The following GRIK3 variants were observed in gnomAD, a reference collection of about 807,000 sequenced individuals.
GRIK3 encodes the protein glutamate receptor ionotropic, kainate 3.
In GRIK3, 29 loss-of-function variants were observed where a neutral mutation model predicts 102.5. The observed-to-expected ratio is 0.28, with a 90% confidence interval of 0.21 to 0.39. GRIK3 has a LOEUF of 0.39. Ranked by LOEUF, GRIK3 falls within the 10% of genes least tolerant of loss-of-function variation. GRIK3 has a pLI of 1.00. For missense variants in GRIK3, 908 were observed against 1,252.4 expected (o/e 0.73, Z 4.15); for synonymous variants, 511 against 504.9 (o/e 1.01, Z -0.16).
chr1:36,848,150 T>C (rs1640538988), intron 9 of GRIK3, among the ~76,000 whole-genome samples: 1 of 152,226 alleles, frequency 6.6e-6, no homozygotes, highest in Non-Finnish European at 1.5e-5. Context: ...CCTGTGCCCC[T>C]GCAGAAGGGT....
intron 1 of GRIK3, 75 bp downstream of exon 1, chr1:37,033,919 G>T: frequency 1.3e-6 from 1 of 776,762 alleles, no homozygotes; most frequent in Non-Finnish European, 2.1e-6. Context: ...AATCTCTCCG[G>T]AACGCGTTGG....
At chr1:36,870,326 C>T (rs1640829619) in intron 4 of GRIK3, among the ~76,000 whole-genome samples, 1 of 152,254 alleles carries the variant, frequency 6.6e-6, no homozygotes, top group African/African-American at 2.4e-5. Flanking sequence ...TCCCTTAGTC[C>T]TGGCTGACCA....
intron 1 of GRIK3, among the ~76,000 whole-genome samples, chr1:37,009,459 C>T (rs1033419963): frequency 6.6e-6 from 1 of 152,242 alleles, no homozygotes; most frequent in Non-Finnish European, 1.5e-5. Context: ...CCAGGCTCAA[C>T]TCCCAGGGAG....
chr1:36,809,531 T>C lies in GRIK3; in HGVS notation c.2092-3205A>G, dbSNP rs539296970. ...AGTCCTGAGAAAAGTAACTTGACAA[T>C]GAATCACTCAGGAAGCCCCACCTAC... On this transcript the variant is annotated intron_variant, in intron 13 of 15. Transcript: ENST00000373091. Among the ~76,000 whole-genome samples the C allele has an allele frequency of 5.3e-5, 8 of 152,174 alleles. No homozygotes were observed. The East Asian group carries it at 1.5e-3, about 29-fold the overall frequency.
At chr1:36,956,452 A>AC (rs1641906298) in intron 1 of GRIK3, among the ~76,000 whole-genome samples, 1 of 152,194 alleles carries the variant, frequency 6.6e-6, no homozygotes, top group Non-Finnish European at 1.5e-5. Flanking sequence ...CCGCATGCCC[A>AC]CCGGAGAGGG....
chr1:36,802,789 C>A (rs1642456640), intron 15 of GRIK3, among the ~76,000 whole-genome samples: 1 of 152,188 alleles, frequency 6.6e-6, no homozygotes, highest in South Asian at 2.1e-4. Context: ...GGCACTAGCA[C>A]CAGGACTACT....
In GRIK3 at chr1:37,005,552, G is replaced by C. The variant is rs181946832; in HGVS notation, c.115+28442C>G. Among the ~76,000 whole-genome samples the C allele has an allele frequency of 8.1e-4, 123 of 152,330 alleles. 1 individual carries two copies. The highest frequency in any genetic ancestry group is 2.8e-3 in the African/African-American group (118 of 41,566). ...GAGTTAGCAGGAGGGATCGCCAGGG[G>C]CTGGGCCAGCCAGGGGGAAGTGGGC... On this transcript the variant is annotated intron_variant, in intron 1 of 15. Transcript: ENST00000373091.
At chr1:36,839,676 A>G (rs1640423951) in intron 10 of GRIK3, among the ~76,000 whole-genome samples, 1 of 152,236 alleles carries the variant, frequency 6.6e-6, no homozygotes, top group East Asian at 1.9e-4. Context: ...AGATGCAGAA[A>G]CTGAGGCACA....
At chr1:36,804,626 C>T (rs1225585494) in intron 15 of GRIK3, 9 of 425,412 alleles carry the variant, frequency 2.1e-5, no homozygotes, top group Non-Finnish European at 3.7e-5. Context: ...TCAACAATTA[C>T]CCTGGAGGGT....
intron 1 of GRIK3, among the ~76,000 whole-genome samples, chr1:37,005,256 C>T (rs888939346): frequency 6.6e-6 from 1 of 152,172 alleles, no homozygotes; most frequent in Non-Finnish European, 1.5e-5. Context: ...CTGAAAGGAC[C>T]AGGCCCCATA....
At chr1:36,952,738 T>C (rs996098442) in intron 1 of GRIK3, among the ~76,000 whole-genome samples, 4 of 152,212 alleles carry the variant, frequency 2.6e-5, no homozygotes, top group African/African-American at 4.8e-5. Flanking sequence ...TAAATGACTA[T>C]TCCATTGTGA....
chr1:36,905,752 TACA>T (rs750256392), intron 1 of GRIK3, among the ~76,000 whole-genome samples: 12 of 152,340 alleles, frequency 7.9e-5, no homozygotes, highest in South Asian at 2.1e-4. Context: ...CAAAATTATT[TACA>T]ACAAGTATGT....
At chr1:36,952,907 C>T (rs147763380) in intron 1 of GRIK3, among the ~76,000 whole-genome samples, 76 of 152,230 alleles carry the variant, frequency 5.0e-4, no homozygotes, top group African/African-American at 1.8e-3. Context: ...GAGAGAAATG[C>T]TCCAGGTAGA....
At chr1:36,864,835 A>G (rs1570768106) in intron 5 of GRIK3, among the ~76,000 whole-genome samples, 2 of 145,254 alleles carry the variant, frequency 1.4e-5, no homozygotes, top group African/African-American at 2.6e-5. Context: ...TCTTTTGTCC[A>G]GCTCCATTTT....
At chr1:36,910,379 C>T (rs192682843) in intron 1 of GRIK3, among the ~76,000 whole-genome samples, 8 of 152,350 alleles carry the variant, frequency 5.3e-5, no homozygotes, top group Admixed American at 4.6e-4. Context: ...TTCTCAGGGC[C>T]CGCCTCCCTG....
intron 1 of GRIK3, among the ~76,000 whole-genome samples, chr1:37,014,146 T>G (rs1570866278): frequency 6.6e-6 from 1 of 152,348 alleles, no homozygotes; most frequent in African/African-American, 2.4e-5. Flanking sequence ...GGCCTTCCAA[T>G]TGTTTCCATG....
intron 1 of GRIK3, among the ~76,000 whole-genome samples, chr1:36,972,909 G>C (rs1014324129): frequency 6.6e-6 from 1 of 152,152 alleles, no homozygotes. Context: ...TTGACACTCA[G>C]GGAAAGCACA....
rs374537338 is a variant in GRIK3 at position 36,831,389 on chromosome 1, C to A, written c.1531-5563G>T. ...TTCCACAGCTGCCTAAGTAAACCAG[C>A]CTCACTCCTGCCATGCATACGGGAC... On this transcript the variant is annotated intron_variant, in intron 10 of 15. Coordinates refer to ENST00000373091, the MANE Select transcript of GRIK3 (RefSeq NM_000831.4). Among the ~76,000 whole-genome samples, 34 of 152,344 alleles carry A rather than the reference C, an allele frequency of 2.2e-4. No individual in the cohort carries two copies. The East Asian group carries it at 2.7e-3, about 12-fold the overall frequency.
intron 1 of GRIK3, among the ~76,000 whole-genome samples, chr1:36,962,060 G>A (rs181370667): frequency 6.6e-6 from 1 of 152,280 alleles, no homozygotes; most frequent in Admixed American, 6.5e-5. Flanking sequence ...AAAAGGAAGG[G>A]AGGCTCACAG....
Sources: allele counts gnomAD v4.1 joint callset (sites outside exome capture counted in the v4.1 genomes callset), GRCh38; gene constraint gnomAD v4.1.1; transcripts MANE v1.5; gene names NCBI Gene and HGNC (gene_info 2026-07-23, HGNC 2026-07-21).